HOOK2: variants seen among roughly 807,000 people sequenced by gnomAD.
HOOK2 encodes hook microtubule tethering protein 2, also known as protein Hook homolog 2.
In HOOK2, 108 loss-of-function variants were observed where a neutral mutation model predicts 111.9. The ratio of observed to expected loss-of-function variants is 0.96; its 90% confidence interval spans 0.83 to 1.13. The LOEUF (loss-of-function observed/expected upper bound fraction) is 1.13, where lower values mean the gene tolerates loss of function less well. Ranked by LOEUF, HOOK2 falls within the 50% of genes most tolerant of loss-of-function variation. The pLI is 0.00. For synonymous variants in HOOK2, 405 were observed against 394.3 expected (o/e 1.03, Z -0.32); for missense variants, 978 against 951.3 (o/e 1.03, Z -0.37).
In HOOK2 at chr19:12,763,226, T is replaced by G; in HGVS notation, c.*56A>C. On this transcript the variant is annotated 3_prime_UTR_variant, in exon 23 of 23. Coordinates refer to ENST00000397668, the MANE Select transcript of HOOK2 (RefSeq NM_013312.3). Reference sequence around the variant, plus strand: ...CTGAAGCCCAGTGCTGGGCGCCATGTGAGCTGGAGGAAGCCAGGGTGGGTG... The same window carrying G: ...CTGAAGCCCAGTGCTGGGCGCCATGGGAGCTGGAGGAAGCCAGGGTGGGTG... The G allele has an allele frequency of 6.4e-5, 101 of 1,567,654 alleles. No homozygotes were observed. Among genetic ancestry groups the G allele is most frequent in the Non-Finnish European group, 7.8e-5 (90 of 1,150,514 alleles).
At chr19:12,777,708 G>A (rs1968554635), upstream of HOOK2, among the ~76,000 whole-genome samples, 1 of 152,232 alleles carries the variant, frequency 6.6e-6, no homozygotes, top group African/African-American at 2.4e-5. Flanking sequence ...CCCAGGATTT[G>A]GCTGAAGCTG....
chr19:12,791,962 G>T lies in HOOK2; in HGVS notation n.42-17737C>A, dbSNP rs1243337013. On this transcript the variant is annotated intron_variant and non_coding_transcript_variant, in intron 3 of 3. Coordinates refer to the HOOK2 transcript ENST00000589765. This position sits in a 1 kb window ranked among gnomAD's most constrained non-coding sequence, Gnocchi z 7.0. Reference sequence around the variant, plus strand: ...CGCGGACCCGGCCCAGAGGGCGGCGGTGGCGGCAGCTACTTTTCTGGTCAG... The same window carrying T: ...CGCGGACCCGGCCCAGAGGGCGGCGTTGGCGGCAGCTACTTTTCTGGTCAG... 6.2e-7 allele frequency: 1 copy of T among 1,611,258 alleles called. No individual in the cohort carries two copies. The highest frequency in any genetic ancestry group is 2.2e-5 in the East Asian group (1 of 44,814).
chr19:12,768,889 C>T (rs970884016), intron 11 of HOOK2, among the ~76,000 whole-genome samples: 1 of 152,102 alleles, frequency 6.6e-6, no homozygotes, highest in Non-Finnish European at 1.5e-5. Flanking sequence ...CTTCCACCTC[C>T]CAGGTTCAAG....
intron 3 of HOOK2, among the ~76,000 whole-genome samples, chr19:12,787,345 C>T (rs1464495052): frequency 6.6e-6 from 1 of 151,968 alleles, no homozygotes; most frequent in Non-Finnish European, 1.5e-5. Context: ...AATTTCTGGG[C>T]TAGGGCTGGG....
upstream of HOOK2, among the ~76,000 whole-genome samples, chr19:12,781,403 T>C (rs1036276616): frequency 4.0e-5 from 6 of 149,764 alleles, no homozygotes; most frequent in Non-Finnish European, 8.9e-5. Context: ...CTCAGCTCAC[T>C]GCAAGCTCCG....
At chr19:12,780,023 G>T (rs936172430), upstream of HOOK2, among the ~76,000 whole-genome samples, 1 of 152,082 alleles carries the variant, frequency 6.6e-6, no homozygotes, top group Admixed American at 6.5e-5. Flanking sequence ...GGTGGTGAGC[G>T]CCTGTAATCC....
intron 20 of HOOK2, 113 bp from the exon 21 acceptor site, chr19:12,763,891 T>C (rs1003575541): frequency 2.7e-6 from 2 of 732,754 alleles, no homozygotes; most frequent in African/African-American, 1.8e-5. Flanking sequence ...AGAGTCCCCC[T>C]ATGTTGCCCA....
rs1293628410 is a variant in HOOK2 at position 12,790,113 on chromosome 19, A to G, written n.42-15888T>C. The stretch of plus-strand genomic sequence containing the variant: ...GCCGCCTGCCTCCGCGGTCCCCTGC[A>G]GGCACCGCGGGCGGAACCATTGCTT... On this transcript the variant is annotated intron_variant and non_coding_transcript_variant, in intron 3 of 3. Coordinates refer to the HOOK2 transcript ENST00000589765. This position sits in a 1 kb window ranked among gnomAD's most constrained non-coding sequence, Gnocchi z 7.2. Among the ~76,000 whole-genome samples, 1 of 152,142 alleles carries G rather than the reference A, an allele frequency of 6.6e-6. No homozygotes were observed. Among genetic ancestry groups the G allele is most frequent in the Non-Finnish European group, 1.5e-5 (1 of 67,992 alleles).
intron 9 of HOOK2, 41 bp downstream of exon 9, chr19:12,771,118 G>C (rs777902420): frequency 6.2e-7 from 1 of 1,610,936 alleles, no homozygotes; most frequent in East Asian, 2.2e-5. Flanking sequence ...GCCCTCCCCC[G>C]GTCCCCTGGC....
rs145498472 is a variant in HOOK2 at position 12,769,761 on chromosome 19, C to A, written c.1104+120G>T. The stretch of plus-strand genomic sequence containing the variant: ...GCAGCGTGGGTGGAGGGAAGAGGCC[C>A]GGAGAGCGTGGCCTACGTACAAATA... On this transcript the variant is annotated intron_variant, in intron 11 of 22. Coordinates refer to ENST00000397668, the MANE Select transcript of HOOK2 (RefSeq NM_013312.3). The A allele has an allele frequency of 2.0e-3, 1,599 of 795,910 alleles. 20 individuals are homozygous for A. In the Middle Eastern group the frequency reaches 0.028, roughly 14 times the overall value. The allele number at this position is 795,910 out of a possible 1,614,324, so 49.3% of individuals were successfully genotyped here.
Position 12,770,969 on chromosome 19 carries a change from C to T in HOOK2, c.865G>A (p.Glu289Lys). The change falls in exon 10 of 23, where the codon GAG becomes AAG. Residue 289 changes from glutamate (E) to lysine (K), a missense_variant. By Grantham distance (56) the Glu-to-Lys change is moderately conservative (BLOSUM62 1). Transcript: ENST00000397668. ...RNQALTSLAQ[E>K]AQALKDEMDE... ...ATCTCATCCTTCAGGGCCTGTGCCTCCTGGGCCAGGCTAGTCAGCGCCTGG... is the reference window on the plus strand; with the variant it reads ...ATCTCATCCTTCAGGGCCTGTGCCTTCTGGGCCAGGCTAGTCAGCGCCTGG... 1 of 1,610,216 alleles carries T rather than the reference C, an allele frequency of 6.2e-7. No individual in the cohort carries two copies. Among genetic ancestry groups the T allele is most frequent in the South Asian group, 1.1e-5 (1 of 90,960 alleles).
intron 20 of HOOK2, 25 bp from the exon 21 acceptor site, chr19:12,763,803 A>G (rs745963374): frequency 1.9e-6 from 3 of 1,590,074 alleles, no homozygotes; most frequent in African/African-American, 2.7e-5. Flanking sequence ...AGTCATAGCC[A>G]GGTGACTTTG....
intron 11 of HOOK2, 103 bp downstream of exon 11, chr19:12,769,778 G>T: frequency 1.0e-6 from 1 of 971,686 alleles, no homozygotes; most frequent in Non-Finnish European, 1.4e-6. Flanking sequence ...CGTGGCCTAC[G>T]TACAAATAAG....
intron 3 of HOOK2, among the ~76,000 whole-genome samples, chr19:12,787,735 T>C (rs1158692236): frequency 6.6e-6 from 1 of 151,834 alleles, no homozygotes; most frequent in African/African-American, 2.4e-5. Context: ...AGCCACTGTG[T>C]TTGGCCAAAG....
At chr19:12,775,057 C>A (rs1181256176) in intron 1 of HOOK2, among the ~76,000 whole-genome samples, 160 bp from the exon 2 acceptor site, 1 of 152,264 alleles carries the variant, frequency 6.6e-6, no homozygotes, top group African/African-American at 2.4e-5. Flanking sequence ...CACCTGAGAC[C>A]GGAGGGGGCG....
intron 7 of HOOK2, 197 bp from the exon 8 acceptor site, chr19:12,771,674 G>A: frequency 1.7e-6 from 1 of 583,198 alleles, no homozygotes; most frequent in Admixed American, 3.0e-5. Context: ...CCTGAGATCA[G>A]GAGTTCCAGA....
At position 12,775,420 on chromosome 19, in the gene HOOK2, C is replaced by A; in HGVS notation, c.30G>T (p.Gly10=). The A allele has an allele frequency of 6.2e-7, 1 of 1,612,962 alleles. No homozygotes were observed. Among genetic ancestry groups the A allele is most frequent in the Non-Finnish European group, 8.5e-7 (1 of 1,179,680 alleles). MSVDKAELC[G]SLLTWLQTFH... ...CACGACCTACCCAGGTGAGCAGAGA[C>A]CCGCATAGCTCAGCTTTGTCCACGC... Residue 10 remains glycine, a synonymous_variant, in exon 1 of 23, where the codon GGG becomes GGT. Transcript: ENST00000397668.
Position 12,786,738 on chromosome 19 carries a change from C to G in HOOK2, n.42-12513G>C, listed in dbSNP as rs1599520946. Among the ~76,000 whole-genome samples the G allele has an allele frequency of 6.6e-6, 1 of 152,316 alleles. No homozygotes were observed. Among genetic ancestry groups the G allele is most frequent in the East Asian group, 1.9e-4 (1 of 5,164 alleles). On this transcript the variant is annotated intron_variant and non_coding_transcript_variant, in intron 3 of 3. Transcript: ENST00000589765. This position sits in a 1 kb window ranked among gnomAD's most constrained non-coding sequence, Gnocchi z 4.3. The stretch of plus-strand genomic sequence containing the variant: ...CCAGCTTGGCTGGGCCCCCGCCCTC[C>G]CTGTCTGGCCCAATCTCCACCCCGT...
At chr19:12,779,520 A>T (rs941820382), upstream of HOOK2, among the ~76,000 whole-genome samples, 3 of 152,042 alleles carry the variant, frequency 2.0e-5, no homozygotes, top group African/African-American at 7.2e-5. Context: ...GAAATGTGCT[A>T]GGTTTTTTTG....
Sources: gnomAD v4.1 joint callset for allele counts (sites outside exome capture counted in the v4.1 genomes callset) on GRCh38, gnomAD v4.1.1 for gene constraint, Gnocchi (gnomAD v3.1) non-coding constraint, MANE v1.5 for transcripts, NCBI Gene and HGNC (gene_info 2026-07-23, HGNC 2026-07-21) for gene names.